CDO1: variants seen among roughly 807,000 people sequenced by gnomAD.
The protein encoded by CDO1 is cysteine dioxygenase, type I.
Under a neutral mutation model 24.5 loss-of-function variants are expected in CDO1, and 19 were observed. The observed-to-expected ratio is 0.77, with a 90% CI of 0.54 to 1.14. The LOEUF (loss-of-function observed/expected upper bound fraction) is 1.14, where lower values mean the gene tolerates loss of function less well. Ranked by LOEUF, CDO1 falls within the 50% of genes most tolerant of loss-of-function variation. The pLI is 0.00. For missense variants in CDO1, 244 were observed against 244.8 expected (o/e 1.00, Z 0.02); for synonymous variants, 91 against 87.0 (o/e 1.05, Z -0.26).
chr5:115,806,109 A>C (rs560333319), intron 4 of CDO1, among the ~76,000 whole-genome samples: 6 of 152,382 alleles, frequency 3.9e-5, no homozygotes, highest in African/African-American at 1.2e-4. Context: ...TCATTTCCCA[A>C]GTAAATGAAA....
At chr5:115,805,498 A>T in intron 4 of CDO1, 36 bp from the exon 5 acceptor site, 2 of 1,605,870 alleles carry the variant, frequency 1.2e-6, no homozygotes, top group Non-Finnish European at 8.5e-7. Context: ...CTGTGTAAGA[A>T]ACTTTACAAA....
chr5:115,812,752 A>T (rs1760243225), intron 2 of CDO1, among the ~76,000 whole-genome samples: 1 of 152,152 alleles, frequency 6.6e-6, no homozygotes, highest in Non-Finnish European at 1.5e-5. Flanking sequence ...GTGAACAAGT[A>T]AGTAGAAAAT....
Position 115,813,213 on chromosome 5 carries a change from C to T in CDO1, c.216G>A (p.Leu72=), listed in dbSNP as rs1180664761. 1.2e-6 allele frequency: 2 copies of T among 1,600,230 alleles called. No homozygotes were observed. The highest frequency in any genetic ancestry group is 2.7e-5 in the African/African-American group (2 of 74,574). ...LVDQGNGKFN[L]MILCWGEGHG... Reference sequence around the variant, plus strand: ...GTCCTTCACCCCAACAGAGAATCATCAGATTAAATTTTCCATTTCCTTGAT... The same window carrying T: ...GTCCTTCACCCCAACAGAGAATCATTAGATTAAATTTTCCATTTCCTTGAT... The change falls in exon 2 of 5, where the codon CTG becomes CTA. Residue 72 remains leucine, a synonymous_variant. Coordinates refer to ENST00000250535, the MANE Select transcript of CDO1 (RefSeq NM_001801.3).
chr5:115,808,528 A>T (rs1346840118), intron 3 of CDO1, among the ~76,000 whole-genome samples: 2 of 152,142 alleles, frequency 1.3e-5, no homozygotes, highest in Non-Finnish European at 2.9e-5. Context: ...AATGAAAAAA[A>T]ATCATGAGAT....
At position 115,807,254 on chromosome 5, in the gene CDO1, C is replaced by G. The variant is rs530157705; in HGVS notation, c.404-736G>C. 7.2e-5 allele frequency among the ~76,000 whole-genome samples: 11 copies of G among 152,230 alleles called. No homozygotes were observed. The East Asian group carries it at 1.2e-3, about 16-fold the overall frequency. On this transcript the variant is annotated intron_variant, in intron 3 of 4. Coordinates refer to ENST00000250535, the MANE Select transcript of CDO1 (RefSeq NM_001801.3). ...GCAACTTCTCAGAGAATCTGATTGG[C>G]TCAAGAAAAAAGCTTTAAAGATATT...
intron 4 of CDO1, among the ~76,000 whole-genome samples, chr5:115,805,886 A>G (rs987581699): frequency 6.6e-6 from 1 of 152,220 alleles, no homozygotes; most frequent in African/African-American, 2.4e-5. Flanking sequence ...GGAACATGTT[A>G]GTATAGTCTA....
rs1760454215 is a variant in CDO1 at position 115,816,446 on chromosome 5, A to G, written c.-49T>C. 6.3e-7 allele frequency: 1 copy of G among 1,599,310 alleles called. No homozygotes were observed. The highest frequency in any genetic ancestry group is 8.5e-7 in the Non-Finnish European group (1 of 1,175,174). ...GCGTCTCACTGCTGGGCTGCGGTGG[A>G]GGAGCTGAGCGAGCCAAGGAGCTGG... is the stretch of plus-strand genomic sequence containing the variant. On this transcript the variant is annotated 5_prime_UTR_variant, in exon 1 of 5. Coordinates refer to ENST00000250535, the MANE Select transcript of CDO1 (RefSeq NM_001801.3).
chr5:115,816,542 C>A lies in CDO1; in HGVS notation c.-145G>T. ...ACGCACAAACCCAGCATTAGAGTGC[C>A]GAAACGTAAGGATGTCGTCGCAGAG... is the stretch of plus-strand genomic sequence containing the variant. On this transcript the variant is annotated 5_prime_UTR_variant, in exon 1 of 5. Coordinates refer to ENST00000250535, the MANE Select transcript of CDO1 (RefSeq NM_001801.3). 3.5e-6 allele frequency: 3 copies of A among 866,244 alleles called. No individual in the cohort carries two copies. The highest frequency in any genetic ancestry group is 3.3e-5 in the South Asian group (2 of 61,350). The allele number at this position is 866,244 out of a possible 1,614,324, so 53.7% of individuals were successfully genotyped here. A position where few individuals can be genotyped will look rare whatever the true frequency, so the allele number is the denominator to read the frequency against.
Position 115,805,311 on chromosome 5 carries a change from C to T in CDO1, c.*122G>A, listed in dbSNP as rs1445517062. On this transcript the variant is annotated 3_prime_UTR_variant, in exon 5 of 5. Transcript: ENST00000250535. ...TGCCTTATAATTAGCATCTGCCTTACAGTAGATCTAAGTATTGGCTTATTT... is the reference window on the plus strand; with the variant it reads ...TGCCTTATAATTAGCATCTGCCTTATAGTAGATCTAAGTATTGGCTTATTT... 1.3e-6 allele frequency: 1 copy of T among 797,118 alleles called. No individual in the cohort carries two copies. Among genetic ancestry groups the T allele is most frequent in the Non-Finnish European group, 2.1e-6 (1 of 482,224 alleles). 49.4% of individuals were successfully genotyped at this position (797,118 alleles called of 1,614,324 possible).
At chr5:115,813,802 AAAG>A (rs1334423488) in intron 1 of CDO1, 1 of 153,304 alleles carries the variant, frequency 6.5e-6, no homozygotes, top group Non-Finnish European at 1.5e-5. Context: ...CTACCAGAAC[AAAG>A]AAGACTACAT....
Position 115,805,369 on chromosome 5 carries a change from C to T in CDO1, c.*64G>A. 2 of 1,423,270 alleles carry T rather than the reference C, an allele frequency of 1.4e-6. No homozygotes were observed. Among genetic ancestry groups the T allele is most frequent in the Non-Finnish European group, 2.0e-6 (2 of 1,014,450 alleles). The allele number at this position is 1,423,270 out of a possible 1,614,324, so 88.2% of individuals were successfully genotyped here. A position where few individuals can be genotyped will look rare whatever the true frequency, so the allele number is the denominator to read the frequency against. On this transcript the variant is annotated 3_prime_UTR_variant, in exon 5 of 5. Coordinates refer to ENST00000250535, the MANE Select transcript of CDO1 (RefSeq NM_001801.3). ...TTACTGGATAGCACGTGGTAGGTAG[C>T]CTTTTTGTCCAAGGCAAACATACAG...
chr5:115,811,387 C>T, intron 2 of CDO1, 72 bp from the exon 3 acceptor site: 1 of 1,089,562 alleles, frequency 9.2e-7, no homozygotes, highest in Non-Finnish European at 1.4e-6. Flanking sequence ...ACAGTCTTCC[C>T]AGAACTGACA....
In CDO1 at chr5:115,816,352, T is replaced by G; in HGVS notation, c.46A>C (p.Ile16Leu). 6.2e-7 allele frequency: 1 copy of G among 1,613,856 alleles called. No homozygotes were observed. The highest frequency in any genetic ancestry group is 8.5e-7 in the Non-Finnish European group (1 of 1,179,988). The change falls in exon 1 of 5, where the codon ATC becomes CTC. Residue 16 changes from isoleucine to leucine, a missense_variant. Transcript: ENST00000250535. ...VLKPRTLADL[I>L]RILHQLFAGD... ...GCAAAGAGCTGGTGCAGGATGCGGA[T>G]CAGATCAGCCAGGGTCCGTGGCTTC...
In CDO1 at chr5:115,816,386, G is replaced by A. The variant is rs748005712; in HGVS notation, c.12C>T (p.Thr4=). The A allele has an allele frequency of 9.9e-6, 16 of 1,613,262 alleles. No homozygotes were observed. The South Asian group carries it at 1.6e-4, about 17-fold the overall frequency. Residue 4 remains threonine (T), a synonymous_variant, in exon 1 of 5, where the codon ACC becomes ACT. Transcript: ENST00000250535. MEQ[T]EVLKPRTLAD... ...CCAGGGTCCGTGGCTTCAGCACTTC[G>A]GTCTGTTCCATCTCGTGGGGAGCTG...
chr5:115,806,778 C>T (rs553883099), intron 3 of CDO1, among the ~76,000 whole-genome samples: 1 of 152,192 alleles, frequency 6.6e-6, no homozygotes, highest in East Asian at 1.9e-4. Flanking sequence ...AGAGAAAACA[C>T]TAACAAAAAT....
intron 3 of CDO1, among the ~76,000 whole-genome samples, chr5:115,807,819 C>T (rs540797640): frequency 1.1e-4 from 16 of 152,148 alleles, no homozygotes; most frequent in African/African-American, 3.9e-4. Flanking sequence ...TAAAAACCCA[C>T]TGAGTACCCA....
chr5:115,813,162 G>A lies in CDO1; in HGVS notation c.248+19C>T, dbSNP rs767528911. 16 of 1,406,982 alleles carry A rather than the reference G, an allele frequency of 1.1e-5. 1 individual carries two copies. In the South Asian group the frequency reaches 1.6e-4, roughly 14 times the overall value. 87.2% of individuals were successfully genotyped at this position (1,406,982 alleles called of 1,614,324 possible). On this transcript the variant is annotated intron_variant, in intron 2 of 4. Transcript: ENST00000250535. ...AAAACATGCTCTAATAAATATCTGTGAATGAATAGTTATTTTACCTGCCAT... is the reference window on the plus strand; with the variant it reads ...AAAACATGCTCTAATAAATATCTGTAAATGAATAGTTATTTTACCTGCCAT...
At chr5:115,805,617 G>A (rs1759914902) in intron 4 of CDO1, among the ~76,000 whole-genome samples, 155 bp from the exon 5 acceptor site, 1 of 152,224 alleles carries the variant, frequency 6.6e-6, no homozygotes, top group Admixed American at 6.5e-5. Context: ...ATCTCTTAGG[G>A]TTTGGAATGT....
At chr5:115,808,571 C>G (rs751026368) in intron 3 of CDO1, among the ~76,000 whole-genome samples, 1 of 151,882 alleles carries the variant, frequency 6.6e-6, no homozygotes, top group Non-Finnish European at 1.5e-5. Context: ...CAGGAAACAG[C>G]AAAGGGAAAG....
Sources: allele counts gnomAD v4.1 joint callset (sites outside exome capture counted in the v4.1 genomes callset), GRCh38; gene constraint gnomAD v4.1.1; transcripts MANE v1.5; gene names NCBI Gene and HGNC (gene_info 2026-07-23, HGNC 2026-07-21).